The following ADGRV1 variants were observed in gnomAD, a reference collection of about 807,000 sequenced individuals.
ADGRV1 encodes the protein G-protein coupled receptor 98.
Under a neutral mutation model 596.2 loss-of-function variants are expected in ADGRV1, and 359 were observed. That is an observed-to-expected ratio of 0.60 (90% CI 0.55 to 0.66). ADGRV1 has a LOEUF of 0.66. Ranked by LOEUF, ADGRV1 falls within the 30% of genes least tolerant of loss-of-function variation. The probability of loss-of-function intolerance (pLI) is 0.00; values close to 1 mark genes in which losing one functional copy is unlikely to be tolerated. For missense variants in ADGRV1, 7,274 were observed against 7,575.6 expected (o/e 0.96, Z 1.48); for synonymous variants, 2,681 against 2,679.2 (o/e 1.00, Z -0.02).
chr5:91,015,853 T>C (rs1325306593), intron 85 of ADGRV1, among the ~76,000 whole-genome samples: 1 of 152,000 alleles, frequency 6.6e-6, no homozygotes, highest in African/African-American at 2.4e-5. Context: ...AATGGGGCAT[T>C]TAGCTTGTTT....
rs1042705732 is a variant in ADGRV1, at chr5:90,703,694, A to G, written c.8185A>G (p.Thr2729Ala). 3.1e-6 allele frequency: 5 copies of G among 1,604,634 alleles called. No individual in the cohort carries two copies. Among genetic ancestry groups the G allele is most frequent in the Non-Finnish European group, 1.7e-6 (2 of 1,173,922 alleles). Reference protein sequence around the residue: ...GEILQFHVIRTFPGRGNVTVN... With the variant: ...GEILQFHVIRAFPGRGNVTVN... ...AATTTTACAATTCCATGTGATAAGA[A>G]CTTTCCCTGGTCGAGGAAATGTTAC... The change falls in exon 35 of 90, where the codon ACT becomes GCT. Residue 2729 changes from threonine to alanine, a missense_variant. Physicochemically the swap from Thr to Ala is moderately conservative, Grantham distance 58 (BLOSUM62 0). Transcript: ENST00000405460.
At chr5:91,043,813 C>A (rs374993685) in intron 85 of ADGRV1, among the ~76,000 whole-genome samples, 1 of 151,696 alleles carries the variant, frequency 6.6e-6, no homozygotes, top group Non-Finnish European at 1.5e-5. Context: ...TATGCCCTCT[C>A]CAAATGTCAC....
At chr5:90,848,996 CAA>C (rs1405129364) in intron 79 of ADGRV1, among the ~76,000 whole-genome samples, 175 bp downstream of exon 79, 1 of 151,732 alleles carries the variant, frequency 6.6e-6, no homozygotes, top group Non-Finnish European at 1.5e-5. Flanking sequence ...GCAGGTACAT[CAA>C]AAAAATAAAT....
chr5:90,623,476 A>G lies in ADGRV1; in HGVS notation c.558+775A>G, dbSNP rs1473492831. Among the ~76,000 whole-genome samples the G allele has an allele frequency of 7.2e-5, 11 of 152,162 alleles. No individual in the cohort carries two copies. In the East Asian group the frequency reaches 1.4e-3, roughly 19 times the overall value. On this transcript the variant is annotated intron_variant, in intron 5 of 89. Transcript: ENST00000405460. ...GCCCAGGCTGGAGTACAGTGGCACT[A>G]TCATGGCTCACTGCAGCCTCAACCT...
In ADGRV1 at chr5:91,053,849, T is replaced by C. The variant is rs573152214; in HGVS notation, c.18153-18598T>C. On this transcript the variant is annotated intron_variant, in intron 85 of 89. Transcript: ENST00000405460. ...TCTGATCTCCAGCTCAGGAAGCATG[T>C]CTTATTCATCACTGTATGTCCAGAG... 1.6e-4 allele frequency among the ~76,000 whole-genome samples: 25 copies of C among 152,334 alleles called. No individual in the cohort carries two copies. The East Asian group carries it at 1.9e-3, about 12-fold the overall frequency.
chr5:90,789,602 C>T, intron 68 of ADGRV1, 100 bp from the exon 69 acceptor site: 1 of 710,256 alleles, frequency 1.4e-6, no homozygotes. Flanking sequence ...TTTTATGTTT[C>T]TTTCATTTCC....
At chr5:90,739,574 TGCTGG>T (rs1258707984) in intron 50 of ADGRV1, among the ~76,000 whole-genome samples, 2 of 152,232 alleles carry the variant, frequency 1.3e-5, no homozygotes, top group African/African-American at 4.8e-5. Flanking sequence ...CAAATGGAAG[TGCTGG>T]CTGTGCTCTG....
chr5:90,811,419 A>G (rs1296948186), intron 74 of ADGRV1, 81 bp downstream of exon 74: 1 of 1,294,970 alleles, frequency 7.7e-7, no homozygotes. Context: ...CTTAAATTTA[A>G]TGGAAGAAGG....
In ADGRV1 at chr5:90,627,759, T is replaced by C; in HGVS notation, c.1221T>C (p.Asp407=). The C allele has an allele frequency of 6.5e-7, 1 of 1,534,364 alleles. No individual in the cohort carries two copies. Among genetic ancestry groups the C allele is most frequent in the Non-Finnish European group, 8.8e-7 (1 of 1,135,316 alleles). The change falls in exon 7 of 90, where the codon GAT becomes GAC. Residue 407 remains aspartate, a synonymous_variant. Coordinates refer to ENST00000405460, the MANE Select transcript of ADGRV1 (RefSeq NM_032119.4). ...TGTTTGAAAGGACAGTTATAATTGATGAAGATAGAATATCAAGGTATGATT... is the reference window on the plus strand; with the variant it reads ...TGTTTGAAAGGACAGTTATAATTGACGAAGATAGAATATCAAGGTATGATT... The part of the protein sequence containing the change: ...SVLFERTVII[D]EDRISRYEEI...
intron 85 of ADGRV1, among the ~76,000 whole-genome samples, chr5:91,054,544 C>T (rs1786665044): frequency 6.6e-6 from 1 of 152,118 alleles, no homozygotes; most frequent in South Asian, 2.1e-4. Context: ...ACACTTATTT[C>T]TCTTGGTTCT....
At chr5:90,925,487 C>T (rs1581530677) in intron 83 of ADGRV1, among the ~76,000 whole-genome samples, 1 of 152,218 alleles carries the variant, frequency 6.6e-6, no homozygotes, top group African/African-American at 2.4e-5. Context: ...ATTTTGTATC[C>T]TGAGAGTTTG....
intron 85 of ADGRV1, among the ~76,000 whole-genome samples, chr5:91,055,801 C>G (rs2151325777): frequency 6.6e-6 from 1 of 152,290 alleles, no homozygotes; most frequent in East Asian, 1.9e-4. Context: ...AATCTTTAAG[C>G]AAGTCTTTAA....
chr5:90,645,896 ATAATT>A lies in ADGRV1; in HGVS notation c.2899-68_2899-64del, dbSNP rs563295140. 293 of 1,227,052 alleles carry A rather than the reference ATAATT, an allele frequency of 2.4e-4. No homozygotes were observed. In the African/African-American group the frequency reaches 3.2e-3, roughly 13 times the overall value. The allele number at this position is 1,227,052 out of a possible 1,614,324, so 76.0% of individuals were successfully genotyped here. A position where few individuals can be genotyped will look rare whatever the true frequency, so the allele number is the denominator to read the frequency against. Reference sequence around the variant, plus strand: ...AATGGTGCTTTTTTAAAAAAACTGAATAATTTAAGAATATATGATGTAATTTATAT... The same window carrying A: ...AATGGTGCTTTTTTAAAAAAACTGAATAAGAATATATGATGTAATTTATAT... On this transcript the variant is annotated intron_variant, in intron 15 of 89. Transcript: ENST00000405460.
chr5:90,915,281 C>G (rs768280697), intron 83 of ADGRV1, among the ~76,000 whole-genome samples: 2 of 152,076 alleles, frequency 1.3e-5, no homozygotes, highest in Non-Finnish European at 2.9e-5. Context: ...TTTAAAACAG[C>G]AAGTAAAGAA....
chr5:90,921,807 T>G (rs946050097), intron 83 of ADGRV1, among the ~76,000 whole-genome samples: 2 of 151,034 alleles, frequency 1.3e-5, no homozygotes, highest in African/African-American at 2.4e-5. Flanking sequence ...TTTTTTTTTT[T>G]TTTTTTTTTC....
chr5:91,026,234 A>G (rs1413685991), intron 85 of ADGRV1, among the ~76,000 whole-genome samples: 1 of 152,132 alleles, frequency 6.6e-6, no homozygotes, highest in African/African-American at 2.4e-5. Flanking sequence ...AAATATTTGC[A>G]AATGCTCTAA....
chr5:90,885,214 T>C (rs1770164803), intron 83 of ADGRV1, among the ~76,000 whole-genome samples: 2 of 152,210 alleles, frequency 1.3e-5, no homozygotes, highest in Admixed American at 6.5e-5. Context: ...ATAGATGTAC[T>C]TGTTGTTCAA....
At chr5:90,849,126 AAGAG>A (rs1434964503) in intron 79 of ADGRV1, among the ~76,000 whole-genome samples, 1 of 151,822 alleles carries the variant, frequency 6.6e-6, no homozygotes, top group African/African-American at 2.4e-5. Flanking sequence ...TAGAAAAAAA[AAGAG>A]AGATTACAGC....
chr5:91,105,813 G>C (rs888563367), intron 87 of ADGRV1, among the ~76,000 whole-genome samples: 2 of 151,808 alleles, frequency 1.3e-5, no homozygotes, highest in Non-Finnish European at 2.9e-5. Context: ...TTTTTAGTTT[G>C]ACATAATCCC....
Sources: allele counts gnomAD v4.1 joint callset (sites outside exome capture counted in the v4.1 genomes callset), GRCh38; gene constraint gnomAD v4.1.1; transcripts MANE v1.5; gene names NCBI Gene and HGNC (gene_info 2026-07-23, HGNC 2026-07-21).